ACYP2: variants seen among roughly 807,000 people sequenced by gnomAD.
The protein encoded by ACYP2 is acylphosphatase 2.
ACYP2 carries 12 observed loss-of-function variants against 11.2 expected under a neutral mutation model. The ratio of observed to expected loss-of-function variants is 1.08; its 90% CI spans 0.69 to 1.74. ACYP2 has a LOEUF of 1.74. ACYP2 is among the 40% of genes most tolerant of loss of function. The probability of loss-of-function intolerance (pLI) is 0.00; values close to 1 mark genes in which losing one functional copy is unlikely to be tolerated. For missense variants in ACYP2, 134 were observed against 101.9 expected, an observed-to-expected ratio of 1.31 and a Z score of -1.35; for synonymous variants, 43 against 32.2, an observed-to-expected ratio of 1.33 and a Z score of -1.13.
rs141816748 is a variant in ACYP2 at position 54,117,919 on chromosome 2, G to A, written c.278-17534G>A. On this transcript the variant is annotated intron_variant, in intron 4 of 6. Transcript: ENST00000607452. The stretch of plus-strand genomic sequence containing the variant: ...TGTGTAGCCTTTTGTCCCTCACCCC[G>A]TCCTACCCTTTCCCCCCTGACTCCC... 3.3e-3 allele frequency among the ~76,000 whole-genome samples: 503 copies of A among 152,090 alleles called. 7 individuals are homozygous for A. Among genetic ancestry groups the A allele is most frequent in the East Asian group, 7.7e-3 (40 of 5,176 alleles).
At chr2:54,008,081 G>A (rs991624906) in intron 2 of ACYP2, among the ~76,000 whole-genome samples, 5 of 152,254 alleles carry the variant, frequency 3.3e-5, no homozygotes, top group East Asian at 1.9e-4. Context: ...TTTTGCAAAC[G>A]CAGTTTCACT....
rs185145958 is a variant in ACYP2 at position 54,129,370 on chromosome 2, C to G, written c.278-6083C>G. ...CTGATCTCGAACTCCTGGGCTCAAT[C>G]AATCCTCCTGCCTCAGCCTCCCAAA... On this transcript the variant is annotated intron_variant, in intron 4 of 6. Transcript: ENST00000607452. Among the ~76,000 whole-genome samples the G allele has an allele frequency of 2.9e-3, 446 of 152,194 alleles. 2 individuals are homozygous for G. Among genetic ancestry groups the G allele is most frequent in the African/African-American group, 8.7e-3 (363 of 41,520 alleles).
intron 2 of ACYP2, among the ~76,000 whole-genome samples, chr2:54,035,009 C>CAAAAAAGAAAAAAAAAA (rs1674803909): frequency 2.2e-5 from 1 of 44,748 alleles, no homozygotes; most frequent in Non-Finnish European, 5.3e-5. Context: ...GACTACATCT[C>CAAAAAAGAAAAAAAAAA]AAAAAAAAAA....
At chr2:54,010,737 C>CTTTTTTTTTTTTTTTTTT (rs539896151) in intron 2 of ACYP2, among the ~76,000 whole-genome samples, 46 of 107,640 alleles carry the variant, frequency 4.3e-4, no homozygotes, top group African/African-American at 9.6e-4. Context: ...TTCTTTCTTT[C>CTTTTTTTTTTTTTTTTTT]TTTTTTTTTT....
At chr2:54,162,042 CTTTTT>C (rs1209652941) in intron 6 of ACYP2, among the ~76,000 whole-genome samples, 1 of 150,064 alleles carries the variant, frequency 6.7e-6, no homozygotes, top group Non-Finnish European at 1.5e-5. Context: ...TAGATTCTTA[CTTTTT>C]TTTGTTATTG....
intron 6 of ACYP2, among the ~76,000 whole-genome samples, chr2:54,266,578 A>C (rs1428061745): frequency 7.5e-6 from 1 of 133,186 alleles, no homozygotes; most frequent in Admixed American, 7.5e-5. Flanking sequence ...ATAGATATAG[A>C]TATCTATCTA....
Position 54,115,766 on chromosome 2 carries a change from C to T in ACYP2, c.278-19687C>T, listed in dbSNP as rs1230784955. 10 of 1,596,150 alleles carry T rather than the reference C, an allele frequency of 6.3e-6. No homozygotes were observed. Among genetic ancestry groups the T allele is most frequent in the Non-Finnish European group, 8.5e-6 (10 of 1,171,968 alleles). Reference sequence around the variant, plus strand: ...TTCGGAAGAGTGCAGGGTAGGAGGCCCCTCTACGGTGGGAGATCAAAAAGG... The same window carrying T: ...TTCGGAAGAGTGCAGGGTAGGAGGCTCCTCTACGGTGGGAGATCAAAAAGG... On this transcript the variant is annotated intron_variant, in intron 4 of 6. Transcript: ENST00000607452.
At chr2:54,242,796 G>T (rs1365055736) in intron 6 of ACYP2, among the ~76,000 whole-genome samples, 1 of 152,180 alleles carries the variant, frequency 6.6e-6, no homozygotes. Flanking sequence ...TCCTAGGTGG[G>T]TAGTAAGCTA....
intron 4 of ACYP2, among the ~76,000 whole-genome samples, chr2:54,125,351 A>C (rs1237463330): frequency 6.6e-6 from 1 of 152,234 alleles, no homozygotes; most frequent in Non-Finnish European, 1.5e-5. Context: ...TTGAAATTCC[A>C]AAACATCAAA....
chr2:54,006,475 G>A (rs1673070655), intron 2 of ACYP2, among the ~76,000 whole-genome samples: 1 of 149,690 alleles, frequency 6.7e-6, no homozygotes, highest in African/African-American at 2.4e-5. Context: ...TGTAGAGATG[G>A]TGTCTTGCTG....
chr2:54,174,958 G>A (rs150013042), intron 6 of ACYP2, among the ~76,000 whole-genome samples: 3,424 of 152,198 alleles, frequency 0.022, 116 homozygotes, highest in African/African-American at 0.073. Flanking sequence ...TTTTCACATC[G>A]GTGTTCATCA....
intron 4 of ACYP2, among the ~76,000 whole-genome samples, chr2:54,121,621 G>A (rs1348166816): frequency 3.3e-5 from 5 of 152,220 alleles, no homozygotes; most frequent in Non-Finnish European, 7.3e-5. Context: ...TGGAAAAGCT[G>A]TGTTTTAGAG....
chr2:54,219,809 G>A lies in ACYP2; in HGVS notation c.404+81061G>A, dbSNP rs1372106901. On this transcript the variant is annotated intron_variant, in intron 6 of 6. Coordinates refer to ENST00000607452, the MANE Select transcript of ACYP2 (RefSeq NM_001320586.2). Reference sequence around the variant, plus strand: ...AATTTTTATGTGTGTGTGTGTGTGTGTTTGTGTATGTGTGTGTGTATATAT... The same window carrying A: ...AATTTTTATGTGTGTGTGTGTGTGTATTTGTGTATGTGTGTGTGTATATAT... Among the ~76,000 whole-genome samples the A allele has an allele frequency of 4.6e-5, 6 of 131,866 alleles. No homozygotes were observed. In the South Asian group the frequency reaches 7.1e-4, roughly 16 times the overall value. 86.5% of individuals were successfully genotyped at this position (131,866 alleles called of 152,430 possible). A position where few individuals can be genotyped will look rare whatever the true frequency, so the allele number is the denominator to read the frequency against.
At chr2:53,975,015 A>C (rs970045338) in intron 2 of ACYP2, among the ~76,000 whole-genome samples, 1 of 152,142 alleles carries the variant, frequency 6.6e-6, no homozygotes, top group Admixed American at 6.6e-5. Flanking sequence ...TGGATTTAAG[A>C]TTTCGAAGAG....
chr2:54,264,088 G>A (rs1687907601), intron 6 of ACYP2, among the ~76,000 whole-genome samples: 1 of 152,150 alleles, frequency 6.6e-6, no homozygotes, highest in South Asian at 2.1e-4. Context: ...CCCTCGCGAT[G>A]AGTGTTCTTA....
chr2:54,190,916 C>T (rs1338871195), intron 6 of ACYP2, among the ~76,000 whole-genome samples: 2 of 152,154 alleles, frequency 1.3e-5, no homozygotes, highest in Middle Eastern at 3.2e-3. Context: ...GCAAAAGTCC[C>T]TTTCTTATAG....
At chr2:54,059,421 T>C (rs961764650) in intron 4 of ACYP2, among the ~76,000 whole-genome samples, 9 of 152,128 alleles carry the variant, frequency 5.9e-5, no homozygotes, top group Non-Finnish European at 1.2e-4. Flanking sequence ...GGTTTCACCA[T>C]GTTGGCCAGG....
chr2:53,999,378 C>T (rs572239798), intron 2 of ACYP2, among the ~76,000 whole-genome samples: 1 of 152,124 alleles, frequency 6.6e-6, no homozygotes, highest in African/African-American at 2.4e-5. Flanking sequence ...CCAAAACATG[C>T]CCAGGAAGGA....
At chr2:54,068,225 G>T (rs531619264) in intron 4 of ACYP2, among the ~76,000 whole-genome samples, 1 of 152,184 alleles carries the variant, frequency 6.6e-6, no homozygotes, top group South Asian at 2.1e-4. Context: ...AGAGGAACTG[G>T]GTTTGTACAG....
Sources: allele counts gnomAD v4.1 joint callset (sites outside exome capture counted in the v4.1 genomes callset), GRCh38; gene constraint gnomAD v4.1.1; transcripts MANE v1.5; gene names NCBI Gene and HGNC (gene_info 2026-07-23, HGNC 2026-07-21).